The following USP54 variants were observed in gnomAD, a reference collection of about 807,000 sequenced individuals.
The protein encoded by USP54 is ubiquitin carboxyl-terminal hydrolase 54.
In USP54, 87 loss-of-function variants were observed where a neutral mutation model predicts 170.5. The observed-to-expected ratio is 0.51, with a 90% CI of 0.43 to 0.61. USP54 has a LOEUF of 0.61. Ranked by LOEUF, USP54 falls within the 20% of genes least tolerant of loss-of-function variation. The pLI is 0.00. For missense variants in USP54, 1,786 were observed against 2,047.8 expected (o/e 0.87, Z 2.47); for synonymous variants, 655 against 742.8 (o/e 0.88, Z 1.92).
At chr10:73,591,069 G>A (rs888181735) in intron 1 of USP54, among the ~76,000 whole-genome samples, 1 of 151,780 alleles carries the variant, frequency 6.6e-6, no homozygotes, top group African/African-American at 2.4e-5. Flanking sequence ...GAGGGGGAAA[G>A]AGCACAAACA....
intron 4 of USP54, among the ~76,000 whole-genome samples, chr10:73,557,257 A>G (rs934049064): frequency 6.6e-6 from 1 of 152,162 alleles, no homozygotes; most frequent in Non-Finnish European, 1.5e-5. Flanking sequence ...AAAATATTTT[A>G]GTGATATGAG....
chr10:73,551,605 T>C (rs909658048), intron 4 of USP54, among the ~76,000 whole-genome samples: 1 of 152,172 alleles, frequency 6.6e-6, no homozygotes, highest in African/African-American at 2.4e-5. Context: ...CCTGACGACA[T>C]GATGATTTGT....
chr10:73,583,420 G>A (rs969928053), intron 1 of USP54, among the ~76,000 whole-genome samples: 17 of 152,112 alleles, frequency 1.1e-4, no homozygotes, highest in African/African-American at 3.9e-4. Context: ...GGAGTAGCTG[G>A]GATTACAGGC....
Position 73,514,069 on chromosome 10 carries a change from G to A in USP54, c.4051+2306C>T, listed in dbSNP as rs577406750. On this transcript the variant is annotated intron_variant, in intron 20 of 23. Coordinates refer to ENST00000687698, the MANE Select transcript of USP54 (RefSeq NM_001391956.1). ...TGACCTTGGGTGATCCACCTGCCTC[G>A]GCCTCCCAAAATGCTGGGATCACAG... Among the ~76,000 whole-genome samples, 259 of 151,918 alleles carry A rather than the reference G, an allele frequency of 1.7e-3. 1 individual carries two copies. The highest frequency in any genetic ancestry group is 6.0e-3 in the African/African-American group (249 of 41,438).
chr10:73,524,522 G>A (rs1281884813), intron 16 of USP54, among the ~76,000 whole-genome samples: 1 of 152,118 alleles, frequency 6.6e-6, no homozygotes, highest in Non-Finnish European at 1.5e-5. Context: ...GGAGGTTGCA[G>A]TGAGCCAAGA....
At chr10:73,542,516 G>A (rs868552158) in intron 7 of USP54, among the ~76,000 whole-genome samples, 2 of 152,162 alleles carry the variant, frequency 1.3e-5, no homozygotes, top group South Asian at 2.1e-4. Context: ...TTGAGGTCAC[G>A]AGTTCAAGAC....
rs138609684 is a variant in USP54, at chr10:73,504,597, T to C, written c.4311+253A>G. 311 of 524,464 alleles carry C rather than the reference T, an allele frequency of 5.9e-4. 3 individuals carry two copies. In the East Asian group the frequency reaches 0.01, roughly 17 times the overall value. 32.5% of individuals were successfully genotyped at this position (524,464 alleles called of 1,614,324 possible). ...TTCTCAGATTCCTCTCAAGGCTTTATGACTCTTCTCACCCCAGGAAACCCT... is the reference window on the plus strand; with the variant it reads ...TTCTCAGATTCCTCTCAAGGCTTTACGACTCTTCTCACCCCAGGAAACCCT... On this transcript the variant is annotated intron_variant, in intron 22 of 23. Coordinates refer to ENST00000687698, the MANE Select transcript of USP54 (RefSeq NM_001391956.1).
At chr10:73,553,844 CT>C (rs2070259476) in intron 4 of USP54, among the ~76,000 whole-genome samples, 1 of 152,214 alleles carries the variant, frequency 6.6e-6, no homozygotes, top group African/African-American at 2.4e-5. Context: ...TGTCTGTTAA[CT>C]AGTTTCTTGG....
At chr10:73,505,088 ACT>A in intron 21 of USP54, 98 bp from the exon 22 acceptor site, 1 of 1,536,464 alleles carries the variant, frequency 6.5e-7, no homozygotes, top group Non-Finnish European at 8.9e-7. Flanking sequence ...GTAGGGGAAG[ACT>A]CAGTAGTAAT....
In USP54 at chr10:73,516,679, G is replaced by T. The variant is rs1377290507; in HGVS notation, c.3747C>A (p.Gly1249=). The change falls in exon 20 of 24, where the codon GGC becomes GGA. Residue 1249 remains glycine, a synonymous_variant. Transcript: ENST00000687698. ...AGGAAGTCCCCAAGTCAGTACTGCT[G>T]CCCAGATCCTTAGACCTAACATCTC... ...QVRDVRSKDL[G]SSTDLGTSLP... is the part of the protein sequence containing the mutation. 1 of 1,614,044 alleles carries T rather than the reference G, an allele frequency of 6.2e-7. No individual in the cohort carries two copies. Among genetic ancestry groups the T allele is most frequent in the African/African-American group, 1.3e-5 (1 of 74,920 alleles).
intron 20 of USP54, among the ~76,000 whole-genome samples, chr10:73,515,583 A>G (rs1033148954): frequency 6.6e-6 from 1 of 152,156 alleles, no homozygotes; most frequent in Non-Finnish European, 1.5e-5. Flanking sequence ...CTTTTCCTAA[A>G]GGGATCAGGA....
intron 15 of USP54, chr10:73,529,403 G>A (rs1297818720): frequency 2.3e-6 from 1 of 442,172 alleles, no homozygotes; most frequent in Non-Finnish European, 4.2e-6. Context: ...TATGACACAA[G>A]TTTATCCTAA....
At chr10:73,573,273 A>G (rs1255478204) in intron 3 of USP54, among the ~76,000 whole-genome samples, 2 of 152,206 alleles carry the variant, frequency 1.3e-5, no homozygotes, top group Admixed American at 6.5e-5. Flanking sequence ...CCTTGGCAAC[A>G]GAGTGAGACC....
chr10:73,503,755 CAG>C (rs1232571588), intron 22 of USP54, among the ~76,000 whole-genome samples: 1 of 152,154 alleles, frequency 6.6e-6, no homozygotes, highest in Non-Finnish European at 1.5e-5. Context: ...GTTTTTGAGA[CAG>C]AGTCTTGCTC....
At chr10:73,603,340 G>A (rs1241822504) in intron 1 of USP54, among the ~76,000 whole-genome samples, 1 of 152,076 alleles carries the variant, frequency 6.6e-6, no homozygotes, top group African/African-American at 2.4e-5. Context: ...TGAATCAAAG[G>A]AAAAGAGAAA....
At chr10:73,563,513 C>T (rs2073558621) in intron 4 of USP54, among the ~76,000 whole-genome samples, 1 of 151,970 alleles carries the variant, frequency 6.6e-6, no homozygotes, top group East Asian at 1.9e-4. Context: ...TCTCAGCTCA[C>T]CACAACCTCC....
At chr10:73,608,448 C>A (rs1040557110) in intron 1 of USP54, among the ~76,000 whole-genome samples, 2 of 152,046 alleles carry the variant, frequency 1.3e-5, no homozygotes, top group African/African-American at 4.8e-5. Context: ...AAACTTAAAT[C>A]AGCTCAAGGA....
At chr10:73,610,667 AAAAG>A (rs1220161431) in intron 1 of USP54, among the ~76,000 whole-genome samples, 1 of 152,182 alleles carries the variant, frequency 6.6e-6, no homozygotes, top group Non-Finnish European at 1.5e-5. Context: ...AAAGAAAAAA[AAAAG>A]AAAGAAACTT....
intron 12 of USP54, among the ~76,000 whole-genome samples, chr10:73,532,908 G>A (rs1380404150): frequency 6.6e-6 from 1 of 152,176 alleles, no homozygotes; most frequent in Non-Finnish European, 1.5e-5. Flanking sequence ...TAGATGCTGA[G>A]TCAAACACAT....
Sources: gnomAD v4.1 joint callset for allele counts (sites outside exome capture counted in the v4.1 genomes callset) on GRCh38, gnomAD v4.1.1 for gene constraint, MANE v1.5 for transcripts, NCBI Gene and HGNC (gene_info 2026-07-23, HGNC 2026-07-21) for gene names.